FRS2: variants seen among roughly 807,000 people sequenced by gnomAD.
The protein encoded by FRS2 is fibroblast growth factor receptor substrate 2, also known as FGFR signalling adaptor.
A neutral mutation model predicts 43.9 loss-of-function variants in FRS2; 8 were observed. The observed-to-expected ratio is 0.18, with a 90% CI of 0.11 to 0.33. FRS2 has a LOEUF of 0.33. Ranked by LOEUF, FRS2 falls within the 10% of genes least tolerant of loss-of-function variation. The pLI, the probability that FRS2 is intolerant of heterozygous loss-of-function variation, is 1.00. For missense variants in FRS2, 534 were observed against 627.6 expected (o/e 0.85, Z 1.59); for synonymous variants, 219 against 220.3 (o/e 0.99, Z 0.05).
At chr12:69,500,297 C>G (rs1182792580) in intron 1 of FRS2, among the ~76,000 whole-genome samples, 3 of 152,120 alleles carry the variant, frequency 2.0e-5, no homozygotes, top group Non-Finnish European at 2.9e-5. Flanking sequence ...AAGCTATTAA[C>G]TTTCTCATGA....
chr12:69,530,933 A>G lies in FRS2; in HGVS notation c.-192A>G, dbSNP rs1308901036. On this transcript the variant is annotated 5_prime_UTR_variant, in exon 2 of 9. It removes an upstream start codon present in the reference 5' UTR. Coordinates refer to ENST00000549921, the MANE Select transcript of FRS2 (RefSeq NM_001278356.2). ...AACAGTCCATTTGTCATAAAGTAAG[A>G]TGCAGCTGTGGCATGTCAACCAGCT... 6.6e-6 allele frequency: 1 copy of G among 152,354 alleles called. No homozygotes were observed. The highest frequency in any genetic ancestry group is 1.5e-5 in the Non-Finnish European group (1 of 67,972). 9.4% of individuals were successfully genotyped at this position (152,354 alleles called of 1,614,324 possible).
intron 1 of FRS2, among the ~76,000 whole-genome samples, chr12:69,473,253 G>T (rs758289533): frequency 2.0e-4 from 30 of 152,206 alleles, no homozygotes; most frequent in Non-Finnish European, 1.6e-4. Flanking sequence ...TATGTGGCTA[G>T]CATGTAACAG....
intron 2 of FRS2, among the ~76,000 whole-genome samples, chr12:69,531,580 T>C (rs1408013710): frequency 6.6e-6 from 1 of 151,986 alleles, no homozygotes; most frequent in Non-Finnish European, 1.5e-5. Context: ...TGGAATTAGA[T>C]GATGTGGTCA....
intron 3 of FRS2, among the ~76,000 whole-genome samples, chr12:69,556,592 G>T (rs1383381239): frequency 6.6e-6 from 1 of 152,102 alleles, no homozygotes; most frequent in Non-Finnish European, 1.5e-5. Flanking sequence ...AAAGTGCTGG[G>T]ATTACAGGCG....
intron 1 of FRS2, among the ~76,000 whole-genome samples, chr12:69,498,464 G>A (rs968987779): frequency 6.6e-6 from 1 of 150,806 alleles, no homozygotes; most frequent in Non-Finnish European, 1.5e-5. Flanking sequence ...GCCCAGGATG[G>A]CTTTGAATAC....
Position 69,554,777 on chromosome 12 carries a change from TCACTG to T in FRS2, c.-121-7397_-121-7393del, listed in dbSNP as rs1879194899. Reference sequence around the variant, plus strand: ...TAGAGTGCAGTGGCATGATCACAGCTCACTGCACTGTTGGCCTCCTGGGCTCAAGC... The same window carrying T: ...TAGAGTGCAGTGGCATGATCACAGCTCACTGTTGGCCTCCTGGGCTCAAGC... On this transcript the variant is annotated intron_variant, in intron 3 of 8. Coordinates refer to ENST00000549921, the MANE Select transcript of FRS2 (RefSeq NM_001278356.2). 5.9e-5 allele frequency among the ~76,000 whole-genome samples: 9 copies of T among 152,166 alleles called. No homozygotes were observed. The South Asian group carries it at 1.9e-3, about 32-fold the overall frequency.
chr12:69,546,011 C>T (rs1272994492), intron 3 of FRS2, among the ~76,000 whole-genome samples: 2 of 152,026 alleles, frequency 1.3e-5, no homozygotes, highest in Non-Finnish European at 2.9e-5. Context: ...AGGGCGAATG[C>T]TTCATGACAT....
intron 3 of FRS2, among the ~76,000 whole-genome samples, chr12:69,560,019 G>A (rs563156367): frequency 6.6e-6 from 1 of 152,164 alleles, no homozygotes; most frequent in East Asian, 1.9e-4. Context: ...ACCTTCCTAA[G>A]CACCAAATTT....
chr12:69,511,673 AAAC>A lies in FRS2; in HGVS notation c.-260-19191_-260-19189del, dbSNP rs1874469141. Reference sequence around the variant, plus strand: ...CTATGATCCATTACAAAGGAATGGTAAACTGCTCATATCCGTGTTAGGGCCCCC... The same window carrying A: ...CTATGATCCATTACAAAGGAATGGTATGCTCATATCCGTGTTAGGGCCCCC... On this transcript the variant is annotated intron_variant, in intron 1 of 8. Transcript: ENST00000549921. Among the ~76,000 whole-genome samples the A allele has an allele frequency of 2.6e-5, 4 of 152,176 alleles. No individual in the cohort carries two copies. In the South Asian group the frequency reaches 8.3e-4, roughly 32 times the overall value.
intron 3 of FRS2, among the ~76,000 whole-genome samples, chr12:69,553,751 G>A (rs1032290707): frequency 6.6e-6 from 1 of 152,208 alleles, no homozygotes; most frequent in Non-Finnish European, 1.5e-5. Context: ...AATGGGCGTA[G>A]GTGGTAGGGA....
Position 69,578,535 on chromosome 12 carries a change from T to A in FRS2, c.*3580T>A, listed in dbSNP as rs1881340821. 6.6e-6 allele frequency: 1 copy of A among 152,510 alleles called. No individual in the cohort carries two copies. The highest frequency in any genetic ancestry group is 2.4e-5 in the African/African-American group (1 of 41,458). The allele number at this position is 152,510 out of a possible 1,614,324, so 9.4% of individuals were successfully genotyped here. On this transcript the variant is annotated 3_prime_UTR_variant, in exon 9 of 9. Transcript: ENST00000549921. Reference sequence around the variant, plus strand: ...TTTTTGGTATAACACAGTTCTTTTGTAGCATCATTATAATTGCAGTTCTAT... The same window carrying A: ...TTTTTGGTATAACACAGTTCTTTTGAAGCATCATTATAATTGCAGTTCTAT...
At chr12:69,542,870 C>G (rs1878040188) in intron 3 of FRS2, among the ~76,000 whole-genome samples, 1 of 152,128 alleles carries the variant, frequency 6.6e-6, no homozygotes, top group Non-Finnish European at 1.5e-5. Context: ...CAGGCTCATC[C>G]CAGGACTGCA....
intron 1 of FRS2, among the ~76,000 whole-genome samples, chr12:69,526,286 A>G (rs1876217915): frequency 6.6e-6 from 1 of 152,210 alleles, no homozygotes; most frequent in African/African-American, 2.4e-5. Flanking sequence ...TTTTCCAACT[A>G]ACTTAGGACA....
intron 1 of FRS2, among the ~76,000 whole-genome samples, chr12:69,474,129 C>A (rs953937284): frequency 1.3e-5 from 2 of 152,214 alleles, no homozygotes; most frequent in African/African-American, 4.8e-5. Context: ...GTGTGAGCCA[C>A]TGCGCCCAGC....
chr12:69,559,512 A>G (rs1263763671), intron 3 of FRS2, among the ~76,000 whole-genome samples: 1 of 152,142 alleles, frequency 6.6e-6, no homozygotes, highest in Non-Finnish European at 1.5e-5. Context: ...ATATTCATGG[A>G]TGGATGCTTA....
At chr12:69,482,966 C>T (rs1565715239) in intron 1 of FRS2, among the ~76,000 whole-genome samples, 1 of 152,120 alleles carries the variant, frequency 6.6e-6, no homozygotes, top group Admixed American at 6.5e-5. Flanking sequence ...ATTTTACATT[C>T]CCACATCTCC....
intron 3 of FRS2, among the ~76,000 whole-genome samples, chr12:69,551,177 C>T (rs1304018477): frequency 5.3e-5 from 8 of 152,154 alleles, no homozygotes; most frequent in Non-Finnish European, 1.2e-4. Context: ...ATTGTGAGAC[C>T]TTGTCTCTAC....
intron 1 of FRS2, among the ~76,000 whole-genome samples, chr12:69,520,691 G>GTTTT (rs1385070615): frequency 6.6e-6 from 1 of 151,994 alleles, no homozygotes; most frequent in African/African-American, 2.4e-5. Flanking sequence ...CCCATTGTTT[G>GTTTT]TTTTTATCAA....
chr12:69,498,372 T>G (rs576742628), intron 1 of FRS2, among the ~76,000 whole-genome samples: 10 of 152,232 alleles, frequency 6.6e-5, no homozygotes, highest in African/African-American at 2.2e-4. Context: ...GTCTACAAGT[T>G]TTGAGATGAG....
Sources: allele counts gnomAD v4.1 joint callset (sites outside exome capture counted in the v4.1 genomes callset), GRCh38; gene constraint gnomAD v4.1.1; transcripts MANE v1.5; gene names NCBI Gene and HGNC (gene_info 2026-07-23, HGNC 2026-07-21).